SUPT3H: variants seen among roughly 807,000 people sequenced by gnomAD.
SUPT3H encodes the protein transcription initiation protein SPT3 homolog.
SUPT3H carries 44 observed loss-of-function variants against 44.3 expected under a neutral mutation model. The ratio of observed to expected loss-of-function variants is 0.99; its 90% CI spans 0.78 to 1.28. The LOEUF (loss-of-function observed/expected upper bound fraction) is 1.28, where lower values mean the gene tolerates loss of function less well. Among genes scored for constraint, SUPT3H ranks in the 50% most tolerant of loss-of-function variants. SUPT3H has a pLI of 0.00. For missense variants in SUPT3H, 380 were observed against 387.1 expected (o/e 0.98, Z 0.15); for synonymous variants, 124 against 125.6 (o/e 0.99, Z 0.09).
chr6:44,813,434 C>A (rs9472369), intron 11 of SUPT3H, among the ~76,000 whole-genome samples: 4 of 152,072 alleles, frequency 2.6e-5, no homozygotes, highest in Non-Finnish European at 4.4e-5. Context: ...GATCCTCCCC[C>A]CTACCTTGGC....
chr6:45,324,404 ATAT>A (rs1315522495), intron 2 of SUPT3H, among the ~76,000 whole-genome samples: 1 of 152,082 alleles, frequency 6.6e-6, no homozygotes, highest in East Asian at 1.9e-4. Flanking sequence ...ACATATTAGA[ATAT>A]AACAATTTCT....
chr6:45,342,406 T>A (rs2150139703), intron 2 of SUPT3H, among the ~76,000 whole-genome samples: 1 of 152,104 alleles, frequency 6.6e-6, no homozygotes, highest in Middle Eastern at 3.4e-3. Context: ...GGACTACAGG[T>A]GCGCACCACC....
chr6:45,160,566 G>A (rs1808781872), intron 2 of SUPT3H, among the ~76,000 whole-genome samples: 1 of 151,470 alleles, frequency 6.6e-6, no homozygotes. Flanking sequence ...ATATATAAGT[G>A]AATTACGGTG....
intron 3 of SUPT3H, among the ~76,000 whole-genome samples, chr6:45,073,931 G>A (rs983562859): frequency 1.3e-5 from 2 of 152,126 alleles, no homozygotes; most frequent in East Asian, 3.9e-4. Context: ...AAACTGCAAT[G>A]AGTGCTGACA....
intron 10 of SUPT3H, among the ~76,000 whole-genome samples, chr6:44,897,190 T>A (rs974579828): frequency 6.6e-6 from 1 of 152,218 alleles, no homozygotes; most frequent in Non-Finnish European, 1.5e-5. Context: ...ATGAAGACCT[T>A]TTCTCTACAG....
intron 3 of SUPT3H, among the ~76,000 whole-genome samples, chr6:45,051,395 A>T (rs1398850279): frequency 2.6e-5 from 4 of 152,182 alleles, no homozygotes; most frequent in African/African-American, 9.7e-5. Context: ...ATAGGAAATA[A>T]CTTGTTAGAA....
intron 6 of SUPT3H, among the ~76,000 whole-genome samples, chr6:44,975,502 T>C (rs1196255491): frequency 6.6e-6 from 1 of 152,158 alleles, no homozygotes; most frequent in Non-Finnish European, 1.5e-5. Flanking sequence ...TTATCTTATG[T>C]TCTCACTTAT....
At chr6:44,866,033 A>G (rs1374207829) in intron 10 of SUPT3H, among the ~76,000 whole-genome samples, 1 of 152,038 alleles carries the variant, frequency 6.6e-6, no homozygotes, top group African/African-American at 2.4e-5. Flanking sequence ...AAACAGGTCT[A>G]AGAGAGATAA....
chr6:44,833,235 A>C (rs1711906620), intron 10 of SUPT3H, among the ~76,000 whole-genome samples: 1 of 152,140 alleles, frequency 6.6e-6, no homozygotes, highest in African/African-American at 2.4e-5. Flanking sequence ...ACTCTCCTAC[A>C]AATACTTTAT....
intron 2 of SUPT3H, among the ~76,000 whole-genome samples, chr6:45,201,711 C>T (rs543568503): frequency 9.9e-5 from 15 of 151,954 alleles, no homozygotes; most frequent in Middle Eastern, 3.4e-3. Context: ...AATCTTCATT[C>T]TAATCCAACA....
Position 45,124,559 on chromosome 6 carries a change from C to A in SUPT3H, c.102-18553G>T, listed in dbSNP as rs1583674594. ...GCTTGGAAGGCTGAGGCAGGAGAAT[C>A]CCTTGAACCCGGGACGCGGAGGTTG... On this transcript the variant is annotated intron_variant, in intron 2 of 10. Transcript: ENST00000371459. Among the ~76,000 whole-genome samples, 6 of 151,620 alleles carry A rather than the reference C, an allele frequency of 4.0e-5. No individual in the cohort carries two copies. The South Asian group carries it at 1.2e-3, about 31-fold the overall frequency.
At chr6:45,024,236 T>C (rs1003602078) in intron 3 of SUPT3H, among the ~76,000 whole-genome samples, 1 of 152,184 alleles carries the variant, frequency 6.6e-6, no homozygotes, top group Non-Finnish European at 1.5e-5. Context: ...GGTTGAGAAG[T>C]AAAAGGTACA....
intron 2 of SUPT3H, among the ~76,000 whole-genome samples, chr6:45,315,506 G>T (rs980869264): frequency 6.6e-6 from 1 of 151,990 alleles, no homozygotes; most frequent in Non-Finnish European, 1.5e-5. Flanking sequence ...TATACAAATG[G>T]CCAACAAACA....
At chr6:45,073,312 T>C (rs1410065473) in intron 3 of SUPT3H, among the ~76,000 whole-genome samples, 1 of 152,026 alleles carries the variant, frequency 6.6e-6, no homozygotes. Flanking sequence ...AGTATCTACA[T>C]ATACCTTGTT....
intron 2 of SUPT3H, among the ~76,000 whole-genome samples, chr6:45,216,478 T>A (rs1056070081): frequency 9.2e-5 from 14 of 152,298 alleles, no homozygotes; most frequent in African/African-American, 3.4e-4. Flanking sequence ...AAGTTTTAAT[T>A]CACCAATTAA....
intron 10 of SUPT3H, among the ~76,000 whole-genome samples, chr6:44,923,465 G>A (rs1264425715): frequency 6.6e-6 from 1 of 152,042 alleles, no homozygotes; most frequent in Non-Finnish European, 1.5e-5. Flanking sequence ...CTGTTGATTA[G>A]TAAGTTACGT....
chr6:44,917,465 CAG>C (rs1767994142), intron 10 of SUPT3H, among the ~76,000 whole-genome samples: 1 of 152,162 alleles, frequency 6.6e-6, no homozygotes, highest in African/African-American at 2.4e-5. Context: ...TTAATGGAAA[CAG>C]TGCTTACATC....
At position 45,273,956 on chromosome 6, in the gene SUPT3H, C is replaced by A. The variant is rs1776618271; in HGVS notation, c.101+91245G>T. Among the ~76,000 whole-genome samples, 2 of 152,226 alleles carry A rather than the reference C, an allele frequency of 1.3e-5. 1 individual carries two copies. Among genetic ancestry groups the A allele is most frequent in the South Asian group, 4.1e-4 (2 of 4,828 alleles). On this transcript the variant is annotated intron_variant, in intron 2 of 10. Transcript: ENST00000371459. ...CATCAACATTGTAAGGTTTCAATCT[C>A]TCCACATCATCACATTTGTTATCTT...
chr6:45,136,781 C>A (rs961496033), intron 2 of SUPT3H, among the ~76,000 whole-genome samples: 3 of 151,790 alleles, frequency 2.0e-5, no homozygotes, highest in African/African-American at 4.8e-5. Flanking sequence ...AATGACATAC[C>A]CTCACAGAAC....
Sources: allele counts gnomAD v4.1 joint callset (sites outside exome capture counted in the v4.1 genomes callset), GRCh38; gene constraint gnomAD v4.1.1; transcripts MANE v1.5; gene names NCBI Gene and HGNC (gene_info 2026-07-23, HGNC 2026-07-21).